Variants in VOPP1 observed in about 807,000 individuals in gnomAD.
The protein encoded by VOPP1 is WW domain binding protein VOPP1.
Under a neutral mutation model 23.5 loss-of-function variants are expected in VOPP1, and 8 were observed. That is an observed-to-expected ratio of 0.34 (90% CI 0.20 to 0.61). VOPP1 has a LOEUF of 0.61. VOPP1 is among the 20% of genes least tolerant of loss of function. VOPP1 has a pLI of 0.78. For synonymous variants in VOPP1, 83 were observed against 97.3 expected (o/e 0.85, Z 0.86); for missense variants, 174 against 238.1 (o/e 0.73, Z 1.77).
chr7:55,505,659 G>A (rs1481086340), intron 2 of VOPP1, among the ~76,000 whole-genome samples: 88 of 1,900 alleles, frequency 0.046, no homozygotes, highest in African/African-American at 0.052. Context: ...GGAAGGGAGG[G>A]AGGGAGGGAG....
chr7:55,540,844 G>C (rs986329058), intron 1 of VOPP1, among the ~76,000 whole-genome samples: 11 of 152,194 alleles, frequency 7.2e-5, no homozygotes, highest in African/African-American at 2.7e-4. Context: ...TTTTATGTCT[G>C]GCTTAGATCT....
intron 3 of VOPP1, among the ~76,000 whole-genome samples, chr7:55,494,522 A>G (rs1793808986): frequency 6.6e-6 from 1 of 152,184 alleles, no homozygotes; most frequent in Non-Finnish European, 1.5e-5. Context: ...CTCCCACCTT[A>G]GACTAATGGT....
At chr7:55,512,288 T>C (rs751101907) in intron 2 of VOPP1, among the ~76,000 whole-genome samples, 1 of 152,026 alleles carries the variant, frequency 6.6e-6, no homozygotes, top group Non-Finnish European at 1.5e-5. Context: ...TAGCTAGGTG[T>C]CGTGGCACGT....
At chr7:55,467,413 T>C (rs1444345013), downstream of VOPP1, among the ~76,000 whole-genome samples, 1 of 152,236 alleles carries the variant, frequency 6.6e-6, no homozygotes, top group East Asian at 1.9e-4. Flanking sequence ...ACAGCCCCTC[T>C]GCTCTCTGTA....
chr7:55,458,791 T>C (rs1791430495), intron 4 of VOPP1, among the ~76,000 whole-genome samples: 1 of 152,162 alleles, frequency 6.6e-6, no homozygotes, highest in Admixed American at 6.5e-5. Flanking sequence ...AGTCTTTAGG[T>C]TGTCTATATA....
intron 4 of VOPP1, among the ~76,000 whole-genome samples, chr7:55,482,477 G>C (rs1206199838): frequency 7.2e-6 from 1 of 138,110 alleles, no homozygotes; most frequent in Non-Finnish European, 1.6e-5. Flanking sequence ...CACCACACCT[G>C]GCTAATTTTT....
chr7:55,562,094 T>C (rs1434022828), intron 1 of VOPP1: 2 of 702,682 alleles, frequency 2.8e-6, no homozygotes, highest in Middle Eastern at 2.3e-4. Flanking sequence ...TGCAGGTAAT[T>C]GTTCGAAACT....
chr7:55,496,479 C>T (rs1793960221), intron 3 of VOPP1, among the ~76,000 whole-genome samples: 1 of 152,234 alleles, frequency 6.6e-6, no homozygotes, highest in Admixed American at 6.5e-5. Context: ...GGCACCTCTG[C>T]AGTGTGGGGA....
chr7:55,482,914 G>C (rs553740519), intron 4 of VOPP1, among the ~76,000 whole-genome samples: 21 of 152,306 alleles, frequency 1.4e-4, no homozygotes, highest in African/African-American at 4.8e-4. Context: ...TTTGCTTGCT[G>C]CTGCTGATTT....
intron 2 of VOPP1, among the ~76,000 whole-genome samples, chr7:55,503,379 G>A (rs1451646392): frequency 6.6e-6 from 1 of 152,172 alleles, no homozygotes; most frequent in East Asian, 1.9e-4. Flanking sequence ...CTGCACAGGA[G>A]GAAAGAGGGT....
chr7:55,439,562 G>T (rs1293777979), intron 4 of VOPP1, among the ~76,000 whole-genome samples: 2 of 152,234 alleles, frequency 1.3e-5, no homozygotes, highest in African/African-American at 4.8e-5. Context: ...TGGAAAGAAG[G>T]GGTGATATAA....
At chr7:55,527,127 G>A (rs1796236852) in intron 1 of VOPP1, 2 of 152,202 alleles carry the variant, frequency 1.3e-5, no homozygotes, top group South Asian at 4.1e-4. Flanking sequence ...TGCAGGGAAT[G>A]ACAAGCAATT....
intron 2 of VOPP1, chr7:55,515,841 C>G (rs1275269715): frequency 4.9e-6 from 2 of 404,442 alleles, no homozygotes; most frequent in African/African-American, 4.3e-5. Flanking sequence ...CTCTGACAAA[C>G]GCCACCTTAG....
At chr7:55,552,896 G>T in intron 1 of VOPP1, 1 of 1,255,898 alleles carries the variant, frequency 8.0e-7, no homozygotes, top group Non-Finnish European at 1.0e-6. Context: ...TCCTGAACCC[G>T]AAGAAAAAAT....
chr7:55,476,128 C>T (rs564064710), intron 4 of VOPP1, among the ~76,000 whole-genome samples: 1 of 152,318 alleles, frequency 6.6e-6, no homozygotes, highest in African/African-American at 2.4e-5. Flanking sequence ...TAAAGGCCAC[C>T]ACAGCCAGCC....
chr7:55,494,276 G>A (rs189700983), intron 3 of VOPP1, among the ~76,000 whole-genome samples: 5 of 152,342 alleles, frequency 3.3e-5, no homozygotes, highest in Admixed American at 3.3e-4. Flanking sequence ...TCAGCACTGA[G>A]TCCTGCTGTT....
At chr7:55,522,960 C>T (rs1445123241) in intron 1 of VOPP1, among the ~76,000 whole-genome samples, 1 of 152,198 alleles carries the variant, frequency 6.6e-6, no homozygotes, top group African/African-American at 2.4e-5. Context: ...AAAATAATGC[C>T]ACACTTCTGA....
At chr7:55,527,644 G>A (rs1180119714) in intron 1 of VOPP1, among the ~76,000 whole-genome samples, 1 of 152,186 alleles carries the variant, frequency 6.6e-6, no homozygotes, top group Non-Finnish European at 1.5e-5. Flanking sequence ...CTCATCCCCA[G>A]CAGGTGACAA....
intron 1 of VOPP1, among the ~76,000 whole-genome samples, chr7:55,562,944 C>T (rs988773142): frequency 6.6e-6 from 1 of 152,198 alleles, no homozygotes; most frequent in African/African-American, 2.4e-5. Context: ...GGGCACATCA[C>T]TCGGAAGTTC....
Sources: allele counts gnomAD v4.1 joint callset (sites outside exome capture counted in the v4.1 genomes callset), GRCh38; gene constraint gnomAD v4.1.1; transcripts MANE v1.5; gene names NCBI Gene and HGNC (gene_info 2026-07-23, HGNC 2026-07-21).